CNTLN: variants seen among roughly 807,000 people sequenced by gnomAD.
CNTLN encodes the protein centlein, centrosomal protein.
Under a neutral mutation model 180.0 loss-of-function variants are expected in CNTLN, and 212 were observed. The observed-to-expected ratio is 1.18, with a 90% CI of 1.05 to 1.32. The LOEUF is 1.32. Ranked by LOEUF, CNTLN falls within the 40% of genes most tolerant of loss-of-function variation. CNTLN has a pLI of 0.00. For missense variants in CNTLN, 2,095 were observed against 1,610.9 expected, an observed-to-expected ratio of 1.30 and a Z score of -5.14; for synonymous variants, 722 against 563.1, an observed-to-expected ratio of 1.28 and a Z score of -3.99.
chr9:17,359,723 T>TAAA (rs1823157438), intron 12 of CNTLN, among the ~76,000 whole-genome samples: 1 of 17,640 alleles, frequency 5.7e-5, no homozygotes, highest in South Asian at 1.9e-3. Flanking sequence ...ATACTAAAAA[T>TAAA]ACAAAAAAAA....
At chr9:17,303,748 C>T (rs1032965472) in intron 7 of CNTLN, among the ~76,000 whole-genome samples, 1 of 151,934 alleles carries the variant, frequency 6.6e-6, no homozygotes, top group Non-Finnish European at 1.5e-5. Flanking sequence ...AGATTGTTTT[C>T]TAATTTGAAT....
At chr9:17,359,725 C>CAAAAAAAAAAAAAAAAACCCAA in intron 12 of CNTLN, among the ~76,000 whole-genome samples, 1 of 21,334 alleles carries the variant, frequency 4.7e-5, no homozygotes, top group Non-Finnish European at 9.9e-5. Flanking sequence ...ACTAAAAATA[C>CAAAAAAAAAAAAAAAAACCCAA]AAAAAAAAAA....
chr9:17,186,877 C>G (rs1041633444), intron 2 of CNTLN, among the ~76,000 whole-genome samples: 39 of 151,936 alleles, frequency 2.6e-4, no homozygotes, highest in African/African-American at 9.2e-4. Context: ...CCCTTCCAGA[C>G]TACCTACTTA....
intron 7 of CNTLN, among the ~76,000 whole-genome samples, chr9:17,306,227 G>A (rs1210523227): frequency 7.2e-6 from 1 of 139,826 alleles, no homozygotes; most frequent in Non-Finnish European, 1.5e-5. Flanking sequence ...TCATCTCATT[G>A]CAACCTCTGC....
the CNTLN span, among the ~76,000 whole-genome samples, chr9:17,515,592 C>T: frequency 2.0e-5 from 3 of 152,130 alleles, no homozygotes; most frequent in African/African-American, 7.2e-5. Flanking sequence ...CCTAAACTTC[C>T]ATTTTGTTAG....
intron 12 of CNTLN, among the ~76,000 whole-genome samples, chr9:17,363,298 A>G (rs375120707): frequency 5.9e-5 from 9 of 152,148 alleles, no homozygotes; most frequent in South Asian, 2.1e-4. Context: ...AAATCGCCAC[A>G]CTGTCTTCCA....
rs1057333616 is a variant in CNTLN at position 17,263,157 on chromosome 9, G to A, written c.850-10576G>A. 1.8e-4 allele frequency among the ~76,000 whole-genome samples: 27 copies of A among 149,152 alleles called. 1 individual carries two copies. Among genetic ancestry groups the A allele is most frequent in the African/African-American group, 6.1e-4 (24 of 39,636 alleles). On this transcript the variant is annotated intron_variant, in intron 5 of 25. Transcript: ENST00000380647. ...GCTGCACCCATTAAGTCGTCATTTA[G>A]CATTAGGTATATCTCCTAATGCTAT...
At chr9:17,177,500 C>G (rs1042588184) in intron 2 of CNTLN, among the ~76,000 whole-genome samples, 1 of 152,142 alleles carries the variant, frequency 6.6e-6, no homozygotes, top group Non-Finnish European at 1.5e-5. Context: ...AAAGAAGCTG[C>G]GGACCCTTGT....
At chr9:17,210,402 T>C (rs1232369564) in intron 2 of CNTLN, among the ~76,000 whole-genome samples, 2 of 152,212 alleles carry the variant, frequency 1.3e-5, no homozygotes, top group Non-Finnish European at 2.9e-5. Flanking sequence ...CTCATCCTTT[T>C]TTATGGCTGC....
chr9:17,232,039 T>A (rs76677541), intron 3 of CNTLN, among the ~76,000 whole-genome samples: 7,407 of 152,170 alleles, frequency 0.049, 240 homozygotes, highest in East Asian at 0.18. Context: ...ATTAAGAATT[T>A]ACCTGCCTCT....
intron 2 of CNTLN, among the ~76,000 whole-genome samples, chr9:17,214,549 C>T (rs1022920388): frequency 1.6e-4 from 24 of 152,192 alleles, no homozygotes; most frequent in African/African-American, 3.1e-4. Context: ...TTGCTCTTCT[C>T]GAGGAGTATC....
At position 17,464,498 on chromosome 9, in the gene CNTLN, A is replaced by G; in HGVS notation, c.3406A>G (p.Ile1136Val). 2 of 1,527,312 alleles carry G rather than the reference A, an allele frequency of 1.3e-6. No individual in the cohort carries two copies. Among genetic ancestry groups the G allele is most frequent in the South Asian group, 1.3e-5 (1 of 77,320 alleles). The allele number at this position is 1,527,312 out of a possible 1,614,324, so 94.6% of individuals were successfully genotyped here. A position where few individuals can be genotyped will look rare whatever the true frequency, so the allele number is the denominator to read the frequency against. The change falls in exon 21 of 26, where the codon ATA (isoleucine) becomes GTA (valine). Residue 1136 changes from isoleucine to valine, a missense_variant and splice_region_variant. By Grantham distance (29) the Ile-to-Val change is conservative. Coordinates refer to ENST00000380647, the MANE Select transcript of CNTLN (RefSeq NM_017738.4). Reference sequence around the variant, plus strand: ...GATGTCACCTTTTTTTTTTTCAAGGATATCTCGAATGGAGAGGGATATAAC... The same window carrying G: ...GATGTCACCTTTTTTTTTTTCAAGGGTATCTCGAATGGAGAGGGATATAAC... ...EEHIKEMHEK[I>V]SRMERDITMK... is the part of the protein sequence containing the mutation.
chr9:17,496,890 A>T (rs966147936), intron 25 of CNTLN, among the ~76,000 whole-genome samples: 13 of 152,198 alleles, frequency 8.5e-5, no homozygotes, highest in Admixed American at 5.9e-4. Flanking sequence ...GAAGTCAGTC[A>T]TATTAGGATA....
intron 23 of CNTLN, among the ~76,000 whole-genome samples, chr9:17,479,259 A>G (rs1005558814): frequency 1.3e-5 from 2 of 152,252 alleles, no homozygotes; most frequent in Admixed American, 1.3e-4. Context: ...TCATTGCAGG[A>G]CTAGTCACAA....
At chr9:17,423,717 TACC>T (rs1828887903) in intron 18 of CNTLN, among the ~76,000 whole-genome samples, 1 of 152,136 alleles carries the variant, frequency 6.6e-6, no homozygotes, top group Non-Finnish European at 1.5e-5. Flanking sequence ...GTCAGTTTCC[TACC>T]AGTGGGGTGA....
chr9:17,266,753 G>T (rs200470835), intron 5 of CNTLN, among the ~76,000 whole-genome samples: 30 of 152,166 alleles, frequency 2.0e-4, no homozygotes, highest in African/African-American at 3.4e-4. Context: ...TTAGGATAGT[G>T]AGCTCTTGTT....
At chr9:17,202,353 C>T (rs1375993724) in intron 2 of CNTLN, among the ~76,000 whole-genome samples, 1 of 152,080 alleles carries the variant, frequency 6.6e-6, no homozygotes, top group African/African-American at 2.4e-5. Flanking sequence ...GTTAGTTCCC[C>T]TTGGTCCAGA....
At chr9:17,470,393 A>G (rs1831990676) in intron 23 of CNTLN, among the ~76,000 whole-genome samples, 2 of 152,076 alleles carry the variant, frequency 1.3e-5, no homozygotes, top group African/African-American at 4.8e-5. Context: ...TCATGTACAC[A>G]AAAGTACTTA....
intron 5 of CNTLN, among the ~76,000 whole-genome samples, chr9:17,261,166 T>G (rs2132368571): frequency 6.6e-6 from 1 of 151,666 alleles, no homozygotes; most frequent in East Asian, 1.9e-4. Flanking sequence ...TTGGGCTTTT[T>G]GGTTTCATAT....
Sources: allele counts gnomAD v4.1 joint callset (sites outside exome capture counted in the v4.1 genomes callset), GRCh38; gene constraint gnomAD v4.1.1; transcripts MANE v1.5; gene names NCBI Gene and HGNC (gene_info 2026-07-23, HGNC 2026-07-21).